PNMT: variants seen among roughly 807,000 people sequenced by gnomAD.
The protein encoded by PNMT is phenylethanolamine N-methyltransferase.
PNMT carries 18 observed loss-of-function variants against 18.9 expected under a neutral mutation model. The ratio of observed to expected loss-of-function variants is 0.95; its 90% CI spans 0.66 to 1.41. The LOEUF is 1.41. Among genes scored for constraint, PNMT ranks in the 40% most tolerant of loss-of-function variants. The pLI is 0.00. For missense variants in PNMT, 378 were observed against 387.0 expected, an observed-to-expected ratio of 0.98 and a Z score of 0.20; for synonymous variants, 167 against 168.6, an observed-to-expected ratio of 0.99 and a Z score of 0.08.
chr17:39,668,626 AACG>A lies in PNMT; in HGVS notation c.152_154del (p.Asn51_Gly52delinsSer). ...CCCTCGCGGGGACCTGTGCAACCCG[AACG>A]GCGTCGGGCCGTGGAAGCTGCGCTG... On this transcript the variant is annotated inframe_deletion, in exon 1 of 3. Transcript: ENST00000269582. 1.9e-6 allele frequency: 3 copies of A among 1,606,492 alleles called. No homozygotes were observed. Among genetic ancestry groups the A allele is most frequent in the Non-Finnish European group, 2.5e-6 (3 of 1,178,224 alleles).
At chr17:39,669,476 T>G (rs567127156) in intron 1 of PNMT, among the ~76,000 whole-genome samples, 153 bp from the exon 2 acceptor site, 1 of 152,322 alleles carries the variant, frequency 6.6e-6, no homozygotes, top group African/African-American at 2.4e-5. Flanking sequence ...TCAGTCTAAC[T>G]CTGGGGCCAA....
chr17:39,668,770 C>A, intron 1 of PNMT, 93 bp downstream of exon 1: 1 of 1,038,540 alleles, frequency 9.6e-7, no homozygotes, highest in Non-Finnish European at 1.4e-6. Flanking sequence ...GGAGACAGAC[C>A]AGGCGCCTAA....
chr17:39,669,531 C>A, intron 1 of PNMT, 98 bp from the exon 2 acceptor site: 1 of 835,980 alleles, frequency 1.2e-6, no homozygotes, highest in Non-Finnish European at 2.0e-6. Context: ...GAAGGAAGAA[C>A]TAGAGAGAGG....
chr17:39,669,527 A>C, intron 1 of PNMT, 102 bp from the exon 2 acceptor site: 1 of 799,046 alleles, frequency 1.3e-6, no homozygotes, highest in South Asian at 1.5e-5. Context: ...AGGAGAAGGA[A>C]GAACTAGAGA....
In PNMT at chr17:39,669,724, A is replaced by G. The variant is rs143544820; in HGVS notation, c.298A>G (p.Thr100Ala). The change falls in exon 2 of 3, where the codon ACA becomes GCA. Residue 100 changes from threonine to alanine, a missense_variant. Coordinates refer to ENST00000269582, the MANE Select transcript of PNMT (RefSeq NM_002686.4). ...ACSHFEDITM[T>A]DFLEVNRQEL... ...CAGCCACTTTGAGGACATCACCATG[A>G]CAGATTTCCTGGAGGTCAACCGCCA... The G allele has an allele frequency of 1.5e-5, 25 of 1,613,950 alleles. No individual in the cohort carries two copies. The highest frequency in any genetic ancestry group is 1.6e-4 in the Middle Eastern group (1 of 6,084).
intron 1 of PNMT, among the ~76,000 whole-genome samples, chr17:39,669,165 C>T (rs1000060686): frequency 3.9e-5 from 6 of 152,166 alleles, no homozygotes; most frequent in African/African-American, 1.2e-4. Context: ...ACTGCAACCT[C>T]CGCCTCCCCG....
chr17:39,669,636 G>A lies in PNMT; in HGVS notation c.210G>A (p.Val70=). Residue 70 remains valine (V), a synonymous_variant, in exon 2 of 3, where the codon GTG becomes GTA. Coordinates refer to ENST00000269582, the MANE Select transcript of PNMT (RefSeq NM_002686.4). ...TTCCTCTGCCCTGCCCAGGTGAAGTGTCCGGACGCACCCTCATCGACATTG... is the reference window on the plus strand; with the variant it reads ...TTCCTCTGCCCTGCCCAGGTGAAGTATCCGGACGCACCCTCATCGACATTG... The part of the protein sequence containing the change: ...CLAQTFATGE[V]SGRTLIDIGS... 1 of 1,613,954 alleles carries A rather than the reference G, an allele frequency of 6.2e-7. No individual in the cohort carries two copies. Among genetic ancestry groups the A allele is most frequent in the Non-Finnish European group, 8.5e-7 (1 of 1,179,876 alleles).
At chr17:39,668,830 G>A (rs1452261745) in intron 1 of PNMT, among the ~76,000 whole-genome samples, 153 bp downstream of exon 1, 2 of 152,106 alleles carry the variant, frequency 1.3e-5, no homozygotes, top group African/African-American at 2.4e-5. Context: ...AAACAGAAGA[G>A]AAAAAAGAGC....
At position 39,668,602 on chromosome 17, in the gene PNMT, C is replaced by T. The variant is rs1002355862; in HGVS notation, c.127C>T (p.Pro43Ser). 2.5e-6 allele frequency: 4 copies of T among 1,604,598 alleles called. No homozygotes were observed. Among genetic ancestry groups the T allele is most frequent in the South Asian group, 2.2e-5 (2 of 90,370 alleles). Reference protein sequence around the residue: ...RAYLRNNYAPPRGDLCNPNGV... With the variant: ...RAYLRNNYAPSRGDLCNPNGV... ...CTACCTCCGCAACAACTACGCGCCCCCTCGCGGGGACCTGTGCAACCCGAA... is the reference window on the plus strand; with the variant it reads ...CTACCTCCGCAACAACTACGCGCCCTCTCGCGGGGACCTGTGCAACCCGAA... The change falls in exon 1 of 3, where the codon CCT becomes TCT. Residue 43 changes from proline (P) to serine (S), a missense_variant. By Grantham distance (74) the Pro-to-Ser change is moderately conservative. Transcript: ENST00000269582.
At chr17:39,668,151 T>A (rs1385699874), upstream of PNMT, 1 of 188,348 alleles carries the variant, frequency 5.3e-6, no homozygotes, top group Non-Finnish European at 8.6e-6. Context: ...ATTGTGGGGG[T>A]GAGGAACTGA....
At chr17:39,668,093 A>C, upstream of PNMT, 5 of 181,982 alleles carry the variant, frequency 2.7e-5, no homozygotes, top group Non-Finnish European at 3.2e-5. Context: ...GGGGGGCTGG[A>C]GAAGAGAGAT....
In PNMT at chr17:39,670,177, C is replaced by T. The variant is rs762794960; in HGVS notation, c.637C>T (p.Leu213Phe). ...GCTGAGGCCTGGGGGGCACCTCCTC[C>T]TCATCGGGGCCCTGGAGGAGTCGTG... ...TLLRPGGHLL[L>F]IGALEESWYL... Residue 213 changes from leucine (L) to phenylalanine (F), a missense_variant, in exon 3 of 3, where the codon CTC becomes TTC. Leu to Phe is a conservative substitution (Grantham distance 22). Coordinates refer to ENST00000269582, the MANE Select transcript of PNMT (RefSeq NM_002686.4). 3.7e-6 allele frequency: 6 copies of T among 1,612,230 alleles called. No homozygotes were observed. In the South Asian group the frequency reaches 5.5e-5, roughly 15 times the overall value.
In PNMT at chr17:39,670,046, G is replaced by C. The variant is rs2057285710; in HGVS notation, c.506G>C (p.Ser169Thr). ...CAGCCCCAGCCCCTGGGTGCTGGGA[G>C]CCCAGCTCCCCTGCCTGCTGACGCC... is the stretch of plus-strand genomic sequence containing the variant. ...VHQPQPLGAG[S>T]PAPLPADALV... is the part of the protein sequence containing the mutation. Residue 169 changes from serine (S) to threonine (T), a missense_variant, in exon 3 of 3, where the codon AGC (serine) becomes ACC (threonine). Ser to Thr is a moderately conservative substitution (Grantham distance 58). Transcript: ENST00000269582. 1 of 1,606,656 alleles carries C rather than the reference G, an allele frequency of 6.2e-7. No individual in the cohort carries two copies.
At chr17:39,669,606 C>T in intron 1 of PNMT, 23 bp from the exon 2 acceptor site, 1 of 1,603,160 alleles carries the variant, frequency 6.2e-7, no homozygotes, top group Non-Finnish European at 8.5e-7. Flanking sequence ...GGCACCAGGA[C>T]CCTCTTCCTC....
chr17:39,668,549 C>A lies in PNMT; in HGVS notation c.74C>A (p.Ser25Ter), dbSNP rs377726208. 3 of 1,557,540 alleles carry A rather than the reference C, an allele frequency of 1.9e-6. No homozygotes were observed. The highest frequency in any genetic ancestry group is 3.7e-5 in the Admixed American group (2 of 53,562). The change falls in exon 1 of 3, where the codon TCG becomes TAG. Residue 25 changes from serine to a stop codon, truncating the protein, a stop_gained. Transcript: ENST00000269582. LOFTEE classifies it high-confidence loss of function. ...GCCCCGGGCCAGGCGGCGGTGGCTT[C>A]GGCCTACCAGCGCTTCGAGCCGCGC... ...DSAPGQAAVA[S>*]AYQRFEPRAY...
upstream of PNMT, chr17:39,668,240 G>T (rs2057270230): frequency 4.3e-5 from 18 of 417,886 alleles, no homozygotes; most frequent in South Asian, 1.2e-3. Flanking sequence ...CAAGTACGGA[G>T]CCGGGGGTGT....
chr17:39,670,086 C>G lies in PNMT; in HGVS notation c.546C>G (p.Phe182Leu), dbSNP rs770935029. 7 of 1,609,200 alleles carry G rather than the reference C, an allele frequency of 4.3e-6. No individual in the cohort carries two copies. Among genetic ancestry groups the G allele is most frequent in the Non-Finnish European group, 5.9e-6 (7 of 1,179,912 alleles). The change falls in exon 3 of 3, where the codon TTC becomes TTG. Residue 182 changes from phenylalanine (F) to leucine (L), a missense_variant. By Grantham distance (22) the Phe-to-Leu change is conservative (BLOSUM62 0). Transcript: ENST00000269582. ...PLPADALVSAFCLEAVSPDLA... is the reference protein window; with the variant it reads ...PLPADALVSALCLEAVSPDLA... The stretch of plus-strand genomic sequence containing the variant: ...CTGCTGACGCCCTGGTCTCTGCCTT[C>G]TGCTTGGAGGCTGTGAGCCCAGATC...
chr17:39,668,713 G>C (rs1253806364), intron 1 of PNMT, 36 bp downstream of exon 1: 2 of 1,510,734 alleles, frequency 1.3e-6, no homozygotes, highest in African/African-American at 2.8e-5. Context: ...GGGACAAGAG[G>C]TCGTCGGGGA....
At chr17:39,668,817 T>G (rs2057275462) in intron 1 of PNMT, 140 bp downstream of exon 1, 2 of 647,466 alleles carry the variant, frequency 3.1e-6, no homozygotes, top group Admixed American at 3.2e-5. Context: ...AGCTGAGAGG[T>G]GCAAACAGAA....
Sources: allele counts gnomAD v4.1 joint callset (sites outside exome capture counted in the v4.1 genomes callset), GRCh38; gene constraint gnomAD v4.1.1; transcripts MANE v1.5; gene names NCBI Gene and HGNC (gene_info 2026-07-23, HGNC 2026-07-21).